The following DIXDC1 variants were observed in gnomAD, a reference collection of about 807,000 sequenced individuals.
DIXDC1 encodes DIX domain containing 1, also known as dixin.
DIXDC1 carries 64 observed loss-of-function variants against 103.1 expected under a neutral mutation model. The ratio of observed to expected loss-of-function variants is 0.62; its 90% CI spans 0.51 to 0.76. DIXDC1 has a LOEUF of 0.76. Among genes scored for constraint, DIXDC1 ranks in the 30% least tolerant of loss-of-function variants. The pLI is 0.00. For synonymous variants in DIXDC1, 266 were observed against 298.5 expected (o/e 0.89, Z 1.12); for missense variants, 759 against 834.2 (o/e 0.91, Z 1.11).
At chr11:111,935,835 T>C (rs1485669147), upstream of DIXDC1, among the ~76,000 whole-genome samples, 2 of 152,242 alleles carry the variant, frequency 1.3e-5, no homozygotes, top group African/African-American at 4.8e-5. Flanking sequence ...TAGCCAGAAT[T>C]GAACCCACTA....
intron 1 of DIXDC1, among the ~76,000 whole-genome samples, chr11:111,951,170 T>C (rs1448997569): frequency 6.6e-6 from 1 of 152,192 alleles, no homozygotes; most frequent in African/African-American, 2.4e-5. Context: ...TTTGATGAAA[T>C]GGATAATTTC....
chr11:111,931,092 G>T (rs1337756889), intron 2 of DIXDC1, among the ~76,000 whole-genome samples: 1 of 151,952 alleles, frequency 6.6e-6, no homozygotes, highest in East Asian at 1.9e-4. Context: ...GACCTCAAAT[G>T]ATCTACCTGC....
chr11:111,999,347 G>A (rs904404713), intron 17 of DIXDC1, among the ~76,000 whole-genome samples: 1 of 152,198 alleles, frequency 6.6e-6, no homozygotes, highest in South Asian at 2.1e-4. Flanking sequence ...ACCAGAGAAT[G>A]TTCTTTTCAA....
rs192187458 is a variant in DIXDC1 at position 111,972,611 on chromosome 11, T to C, written c.317-1412T>C. 2.8e-3 allele frequency among the ~76,000 whole-genome samples: 424 copies of C among 152,324 alleles called. 2 individuals are homozygous for C. The highest frequency in any genetic ancestry group is 3.7e-3 in the Non-Finnish European group (255 of 68,024). On this transcript the variant is annotated intron_variant, in intron 3 of 19. Coordinates refer to ENST00000440460, the MANE Select transcript of DIXDC1 (RefSeq NM_001037954.4). ...ATGCCCTGTGTGATCCACCCTCTGA[T>C]GCACCCCTCTGCTGCCTCACCTTTC...
At chr11:111,982,177 C>T in intron 6 of DIXDC1, 162 bp from the exon 7 acceptor site, 1 of 648,884 alleles carries the variant, frequency 1.5e-6, no homozygotes, top group Non-Finnish European at 2.6e-6. Flanking sequence ...ACAGCCAATT[C>T]TTTAGGCCTC....
chr11:111,945,225 C>T (rs587713478), intron 1 of DIXDC1, among the ~76,000 whole-genome samples: 5 of 152,236 alleles, frequency 3.3e-5, no homozygotes, highest in African/African-American at 1.2e-4. Context: ...CTGGTTTTTC[C>T]TTCTCAGGTG....
intron 1 of DIXDC1, among the ~76,000 whole-genome samples, chr11:111,949,625 A>AACTTCACACTT (rs797029188): frequency 3.0e-4 from 46 of 152,316 alleles, no homozygotes; most frequent in African/African-American, 9.9e-4. Flanking sequence ...CCTGTTTCAC[A>AACTTCACACTT]ACTTCACACT....
At chr11:111,950,410 GTA>G (rs1555169787) in intron 1 of DIXDC1, among the ~76,000 whole-genome samples, 1,028 of 25,010 alleles carry the variant, frequency 0.041, 30 homozygotes, top group Middle Eastern at 0.12. Flanking sequence ...TACAAAGTAG[GTA>G]TATATATATA....
upstream of DIXDC1, among the ~76,000 whole-genome samples, chr11:111,934,179 T>C (rs2155537): frequency 5.4e-3 from 828 of 152,338 alleles, 3 homozygotes; most frequent in African/African-American, 0.019. Flanking sequence ...TCTTTCTTTA[T>C]ATGTAAAAAT....
At chr11:111,950,341 TAGAG>T (rs1334120220) in intron 1 of DIXDC1, among the ~76,000 whole-genome samples, 1 of 147,762 alleles carries the variant, frequency 6.8e-6, no homozygotes, top group Non-Finnish European at 1.5e-5. Flanking sequence ...ATTACAGTTT[TAGAG>T]AGACTTAGAT....
upstream of DIXDC1, among the ~76,000 whole-genome samples, chr11:111,936,902 A>C (rs1406274568): frequency 2.7e-5 from 4 of 147,088 alleles, no homozygotes; most frequent in Non-Finnish European, 3.0e-5. Context: ...CCCCACGGGC[A>C]CACCCGCCTG....
chr11:111,984,224 G>C (rs1406972206), intron 7 of DIXDC1, among the ~76,000 whole-genome samples: 8 of 152,116 alleles, frequency 5.3e-5, no homozygotes, highest in Non-Finnish European at 1.2e-4. Flanking sequence ...GCTTCTTAAA[G>C]AATAAGATTA....
chr11:111,973,973 C>T (rs1555172310), intron 3 of DIXDC1, 50 bp from the exon 4 acceptor site: 1 of 1,581,596 alleles, frequency 6.3e-7, no homozygotes. Context: ...TTTTGCCTCC[C>T]TCTTAGGACC....
chr11:111,985,133 G>A, intron 7 of DIXDC1, 99 bp from the exon 8 acceptor site: 2 of 913,500 alleles, frequency 2.2e-6, no homozygotes, highest in South Asian at 1.5e-5. Context: ...TGAGGAGGCT[G>A]AGTTGTGATT....
chr11:111,972,933 C>T (rs919611482), intron 3 of DIXDC1, among the ~76,000 whole-genome samples: 7 of 151,144 alleles, frequency 4.6e-5, no homozygotes, highest in African/African-American at 1.7e-4. Flanking sequence ...GTGGTGGGCA[C>T]CTGTAATCCC....
chr11:112,008,869 C>T (rs587610711), intron 17 of DIXDC1, among the ~76,000 whole-genome samples: 186 of 152,094 alleles, frequency 1.2e-3, no homozygotes, highest in African/African-American at 4.2e-3. Flanking sequence ...GATCTAAAAT[C>T]GACACCTTAA....
rs782447615 is a variant in DIXDC1 at position 111,995,588 on chromosome 11, C to G, written c.1689+24C>G. 2.2e-5 allele frequency: 36 copies of G among 1,610,032 alleles called. No homozygotes were observed. The African/African-American group carries it at 4.7e-4, about 21-fold the overall frequency. On this transcript the variant is annotated intron_variant, in intron 16 of 19. Transcript: ENST00000440460. Reference sequence around the variant, plus strand: ...AGGTAACCCTCTTGCTGTGGTATCTCTCTTAGGCAAGCTCCTGAGAAAGCT... The same window carrying G: ...AGGTAACCCTCTTGCTGTGGTATCTGTCTTAGGCAAGCTCCTGAGAAAGCT...
At chr11:111,960,606 A>C (rs1592567265) in intron 1 of DIXDC1, among the ~76,000 whole-genome samples, 1 of 151,856 alleles carries the variant, frequency 6.6e-6, no homozygotes. Flanking sequence ...AAAAAAAAAA[A>C]AAAGAAAAGA....
At chr11:111,984,770 T>C (rs1487428520) in intron 7 of DIXDC1, among the ~76,000 whole-genome samples, 1 of 152,160 alleles carries the variant, frequency 6.6e-6, no homozygotes, top group African/African-American at 2.4e-5. Flanking sequence ...GGAGTAAAAA[T>C]GCAGAATCAG....
Sources: allele counts gnomAD v4.1 joint callset (sites outside exome capture counted in the v4.1 genomes callset), GRCh38; gene constraint gnomAD v4.1.1; transcripts MANE v1.5; gene names NCBI Gene and HGNC (gene_info 2026-07-23, HGNC 2026-07-21).